Variants in ABCA9 observed in about 807,000 individuals in gnomAD.
ABCA9 encodes ATP binding cassette subfamily A member 9.
A neutral mutation model predicts 205.3 loss-of-function variants in ABCA9; 183 were observed. That is an observed-to-expected ratio of 0.89 (90% CI 0.79 to 1.01). The LOEUF (loss-of-function observed/expected upper bound fraction) is 1.01. Ranked by LOEUF, ABCA9 falls within the 50% of genes least tolerant of loss-of-function variation. The pLI is 0.00. For synonymous variants in ABCA9, 651 were observed against 683.3 expected (o/e 0.95, Z 0.74); for missense variants, 1,805 against 1,912.4 (o/e 0.94, Z 1.05).
At chr17:69,024,126 G>A in intron 17 of ABCA9, 88 bp downstream of exon 17, 1 of 1,396,238 alleles carries the variant, frequency 7.2e-7, no homozygotes, top group Non-Finnish European at 1.0e-6. Flanking sequence ...CATCTAGCAA[G>A]CATTAAAACT....
intron 17 of ABCA9, 96 bp downstream of exon 17, chr17:69,024,118 T>C: frequency 1.5e-6 from 2 of 1,336,864 alleles, no homozygotes; most frequent in East Asian, 2.3e-5. Flanking sequence ...GTGCCATTCA[T>C]CTAGCAAGCA....
Position 69,045,171 on chromosome 17 carries a change from C to T in ABCA9, c.469+1G>A. On this transcript the variant is annotated splice_donor_variant, in intron 4 of 38. Transcript: ENST00000340001. LOFTEE classifies it high-confidence loss of function. ...AAATTTTTTTCTTCTTCAAAAGTTA[C>T]CTGAATGGTCTCTGTGCTCTTTCAT... The T allele has an allele frequency of 6.2e-7, 1 of 1,610,366 alleles. No homozygotes were observed.
At chr17:69,000,526 G>A (rs1298218200) in intron 25 of ABCA9, among the ~76,000 whole-genome samples, 7 of 148,778 alleles carry the variant, frequency 4.7e-5, no homozygotes, top group Non-Finnish European at 7.5e-5. Flanking sequence ...TTTGGTTACT[G>A]TAGCCTTGTA....
intron 25 of ABCA9, among the ~76,000 whole-genome samples, chr17:69,001,393 G>A (rs1341959554): frequency 1.3e-5 from 2 of 150,618 alleles, no homozygotes; most frequent in Admixed American, 1.3e-4. Flanking sequence ...TTTTGTCTTT[G>A]GCTCTGTTTA....
rs1598373355 is a variant in ABCA9, at chr17:69,014,312, A to C, written c.3039+1941T>G. On this transcript the variant is annotated intron_variant, in intron 22 of 38. Coordinates refer to ENST00000340001, the MANE Select transcript of ABCA9 (RefSeq NM_080283.4). The stretch of plus-strand genomic sequence containing the variant: ...GCACACAACACAGAGTTTATTAAAA[A>C]CATTGAATAAAAATATCTTCAGGCT... Among the ~76,000 whole-genome samples the C allele has an allele frequency of 4.6e-5, 7 of 152,150 alleles. No individual in the cohort carries two copies. The South Asian group carries it at 1.2e-3, about 27-fold the overall frequency.
intron 29 of ABCA9, among the ~76,000 whole-genome samples, chr17:68,990,324 T>A (rs1007606872): frequency 6.6e-6 from 1 of 152,236 alleles, no homozygotes; most frequent in Non-Finnish European, 1.5e-5. Context: ...GCTGTACTTA[T>A]CAAAACCACA....
chr17:69,031,097 C>T (rs1197971993), intron 10 of ABCA9, among the ~76,000 whole-genome samples: 2 of 152,134 alleles, frequency 1.3e-5, no homozygotes, highest in Non-Finnish European at 1.5e-5. Flanking sequence ...AATCTCCACC[C>T]GTTGCTAGGG....
At chr17:69,033,976 T>C in intron 8 of ABCA9, 103 bp from the exon 9 acceptor site, 1 of 935,442 alleles carries the variant, frequency 1.1e-6, no homozygotes, top group Admixed American at 2.3e-5. Flanking sequence ...ATAAATAAGA[T>C]ATAATCTTGT....
Position 69,017,735 on chromosome 17 carries a change from T to C in ABCA9, c.2822A>G (p.Glu941Gly), listed in dbSNP as rs2070670648. ...ATTTCTAGTTCCAAAGGCATCCACT[T>C]CTATAGCTATGTTCTGTCGCCTCAG... ...HSLRRQNIAIEVDAFGTRNGT... is the reference protein window; with the variant it reads ...HSLRRQNIAIGVDAFGTRNGT... The change falls in exon 21 of 39, where the codon GAA becomes GGA. Residue 941 changes from glutamate (E) to glycine (G), a missense_variant. Physicochemically the swap from Glu to Gly is moderately conservative, Grantham distance 98. Transcript: ENST00000340001. 2 of 1,613,358 alleles carry C rather than the reference T, an allele frequency of 1.2e-6. No individual in the cohort carries two copies. Among genetic ancestry groups the C allele is most frequent in the Admixed American group, 1.7e-5 (1 of 59,964 alleles).
At chr17:69,007,940 C>T (rs1598362615) in intron 24 of ABCA9, 68 bp from the exon 25 acceptor site, 2 of 1,433,948 alleles carry the variant, frequency 1.4e-6, no homozygotes, top group African/African-American at 2.9e-5. Flanking sequence ...ATTTACTCTT[C>T]AATTTTCCAA....
At chr17:69,008,768 C>T (rs1483968945) in intron 23 of ABCA9, among the ~76,000 whole-genome samples, 1 of 152,172 alleles carries the variant, frequency 6.6e-6, no homozygotes, top group Non-Finnish European at 1.5e-5. Context: ...TGCCGTAAGT[C>T]ATATTTTTCA....
At chr17:68,995,650 A>C (rs2069593347) in intron 26 of ABCA9, among the ~76,000 whole-genome samples, 1 of 151,908 alleles carries the variant, frequency 6.6e-6, no homozygotes, top group South Asian at 2.1e-4. Context: ...CAGCAGTGAG[A>C]GTTATCATGA....
chr17:69,020,656 A>C, intron 18 of ABCA9, 70 bp from the exon 19 acceptor site: 1 of 1,461,596 alleles, frequency 6.8e-7, no homozygotes, highest in Non-Finnish European at 9.4e-7. Flanking sequence ...TCCTATGATA[A>C]ATTTTCCTAC....
intron 19 of ABCA9, among the ~76,000 whole-genome samples, chr17:69,019,712 G>A (rs2070751160): frequency 6.6e-6 from 1 of 152,156 alleles, no homozygotes; most frequent in African/African-American, 2.4e-5. Context: ...CAGTGAATGA[G>A]TGTTCCTGAT....
Position 68,998,326 on chromosome 17 carries a change from G to A in ABCA9, c.3436-2312C>T, listed in dbSNP as rs184033600. On this transcript the variant is annotated intron_variant, in intron 25 of 38. Coordinates refer to ENST00000340001, the MANE Select transcript of ABCA9 (RefSeq NM_080283.4). Reference sequence around the variant, plus strand: ...ACTTCCACATTTTATATTTGATTATGTCTGACCTTTCCTAGAACTGCAACT... The same window carrying A: ...ACTTCCACATTTTATATTTGATTATATCTGACCTTTCCTAGAACTGCAACT... Among the ~76,000 whole-genome samples, 26 of 152,264 alleles carry A rather than the reference G, an allele frequency of 1.7e-4. 1 individual carries two copies. In the East Asian group the frequency reaches 4.8e-3, roughly 28 times the overall value.
chr17:69,059,103 C>A (rs530392527), intron 1 of ABCA9, among the ~76,000 whole-genome samples: 1 of 152,186 alleles, frequency 6.6e-6, no homozygotes, highest in East Asian at 1.9e-4. Context: ...CCTCCTCCTG[C>A]GTCCCTCCCA....
At chr17:69,019,443 C>CA (rs1366446659) in intron 19 of ABCA9, among the ~76,000 whole-genome samples, 1 of 152,058 alleles carries the variant, frequency 6.6e-6, no homozygotes, top group Non-Finnish European at 1.5e-5. Flanking sequence ...CATGTATCCC[C>CA]ATATTCAGTA....
Position 69,044,674 on chromosome 17 carries a change from G to A in ABCA9, c.470-74C>T. ...TACAGAAAAAAACAAAATTTCAAAT[G>A]TTTCAAAATGCAAAGTCCATGATAA... On this transcript the variant is annotated intron_variant, in intron 4 of 38. Transcript: ENST00000340001. 3.7e-6 allele frequency: 5 copies of A among 1,344,920 alleles called. No homozygotes were observed. The South Asian group carries it at 5.1e-5, about 14-fold the overall frequency. The allele number at this position is 1,344,920 out of a possible 1,614,324, so 83.3% of individuals were successfully genotyped here. A position where few individuals can be genotyped will look rare whatever the true frequency, so the allele number is the denominator to read the frequency against.
At chr17:69,043,148 C>T (rs1198887649) in intron 6 of ABCA9, 1 of 180,544 alleles carries the variant, frequency 5.5e-6, no homozygotes, top group African/African-American at 2.5e-5. Context: ...AGTGACAGAT[C>T]ATCAGGCATT....
Sources: allele counts gnomAD v4.1 joint callset (sites outside exome capture counted in the v4.1 genomes callset), GRCh38; gene constraint gnomAD v4.1.1; transcripts MANE v1.5; gene names NCBI Gene and HGNC (gene_info 2026-07-23, HGNC 2026-07-21).